The following INPP4B variants were observed in gnomAD, a reference collection of about 807,000 sequenced individuals.
INPP4B encodes inositol polyphosphate 4-phosphatase type II.
A neutral mutation model predicts 122.5 loss-of-function variants in INPP4B; 55 were observed. That is an observed-to-expected ratio of 0.45 (90% CI 0.36 to 0.56). The LOEUF is 0.56. Ranked by LOEUF, INPP4B falls within the 20% of genes least tolerant of loss-of-function variation. INPP4B has a pLI of 0.00. For missense variants in INPP4B, 1,000 were observed against 1,097.7 expected, an observed-to-expected ratio of 0.91 and a Z score of 1.26; for synonymous variants, 403 against 388.7, an observed-to-expected ratio of 1.04 and a Z score of -0.43.
rs139031770 is a variant in INPP4B, at chr4:142,251,860, A to C, written c.688+8632T>G. ...TTGTAAGCTGCTGAAGTTGTGTATT[A>C]TTCATTAACCTGATTATCATGCTAT... On this transcript the variant is annotated intron_variant, in intron 11 of 25. Coordinates refer to ENST00000262992, the MANE Select transcript of INPP4B (RefSeq NM_001101669.3). Among the ~76,000 whole-genome samples, 5 of 152,324 alleles carry C rather than the reference A, an allele frequency of 3.3e-5. No individual in the cohort carries two copies. In the East Asian group the frequency reaches 9.7e-4, roughly 29 times the overall value.
At chr4:142,228,416 A>T (rs1852599025) in intron 12 of INPP4B, among the ~76,000 whole-genome samples, 1 of 152,082 alleles carries the variant, frequency 6.6e-6, no homozygotes, top group South Asian at 2.1e-4. Context: ...ATATACTTAA[A>T]TGTAAAAAAT....
At chr4:142,627,609 G>C (rs910689900) in intron 2 of INPP4B, among the ~76,000 whole-genome samples, 2 of 144,028 alleles carry the variant, frequency 1.4e-5, no homozygotes, top group African/African-American at 2.6e-5. Context: ...AAGCCCACTT[G>C]ATCATGGTGG....
chr4:142,766,497 A>T (rs1262517562), intron 1 of INPP4B, among the ~76,000 whole-genome samples: 2 of 151,804 alleles, frequency 1.3e-5, no homozygotes, highest in Non-Finnish European at 2.9e-5. Flanking sequence ...CAGCCTCCCG[A>T]GTAGCTGGGA....
At chr4:142,822,829 C>T (rs189811441) in intron 1 of INPP4B, among the ~76,000 whole-genome samples, 13 of 152,294 alleles carry the variant, frequency 8.5e-5, no homozygotes, top group Admixed American at 7.9e-4. Context: ...GGAATTCCTT[C>T]TGTTTCAGTC....
Position 142,026,690 on chromosome 4 carries a change from T to G in INPP4B, c.*2092A>C, listed in dbSNP as rs2152246832. The G allele has an allele frequency of 6.6e-6, 1 of 152,284 alleles. No individual in the cohort carries two copies. The highest frequency in any genetic ancestry group is 1.5e-5 in the Non-Finnish European group (1 of 68,026). The allele number at this position is 152,284 out of a possible 1,614,324, so 9.4% of individuals were successfully genotyped here. On this transcript the variant is annotated 3_prime_UTR_variant, in exon 26 of 26. Coordinates refer to ENST00000262992, the MANE Select transcript of INPP4B (RefSeq NM_001101669.3). ...CCATGTTGGCCAGGCTGATCTCCAATTCCTGACCTCAGGTGATCTATCCAC... is the reference window on the plus strand; with the variant it reads ...CCATGTTGGCCAGGCTGATCTCCAAGTCCTGACCTCAGGTGATCTATCCAC...
At chr4:142,395,206 A>G (rs1043065505) in intron 7 of INPP4B, among the ~76,000 whole-genome samples, 7 of 152,250 alleles carry the variant, frequency 4.6e-5, no homozygotes, top group African/African-American at 1.7e-4. Flanking sequence ...GAAGAGCATC[A>G]GCAGAGTGCA....
In INPP4B at chr4:142,738,220, C is replaced by G. The variant is rs144015648; in HGVS notation, c.-253-12319G>C. Among the ~76,000 whole-genome samples the G allele has an allele frequency of 5.7e-3, 873 of 152,264 alleles. 9 individuals are homozygous for G. Among genetic ancestry groups the G allele is most frequent in the African/African-American group, 0.02 (821 of 41,546 alleles). ...ACTTGGAACCAACCCAAATGTCCAA[C>G]AGTGATAGACTGGATTAAGAAAATG... On this transcript the variant is annotated intron_variant, in intron 1 of 25. Transcript: ENST00000262992.
chr4:142,400,740 C>A (rs987711398), intron 7 of INPP4B, among the ~76,000 whole-genome samples: 1 of 152,154 alleles, frequency 6.6e-6, no homozygotes, highest in Non-Finnish European at 1.5e-5. Flanking sequence ...TCATTCCATA[C>A]TTTTACGCCA....
In INPP4B at chr4:142,284,664, G is replaced by C. The variant is rs114274301; in HGVS notation, c.504-13890C>G. Among the ~76,000 whole-genome samples, 844 of 152,120 alleles carry C rather than the reference G, an allele frequency of 5.5e-3. 8 individuals carry two copies. The highest frequency in any genetic ancestry group is 0.02 in the African/African-American group (811 of 41,500). On this transcript the variant is annotated intron_variant, in intron 9 of 25. Transcript: ENST00000262992. ...TTTAGGAATGTGGAGGTGTAAAATAGTGGTCCCAGAAAGTGGGAGAGTGAA... is the reference window on the plus strand; with the variant it reads ...TTTAGGAATGTGGAGGTGTAAAATACTGGTCCCAGAAAGTGGGAGAGTGAA...
chr4:142,794,093 A>G (rs1776908528), intron 1 of INPP4B, among the ~76,000 whole-genome samples: 1 of 151,976 alleles, frequency 6.6e-6, no homozygotes. Flanking sequence ...CTATGGATCT[A>G]CCTATGTATG....
At chr4:142,327,990 G>A (rs775746340) in intron 7 of INPP4B, among the ~76,000 whole-genome samples, 77 of 150,808 alleles carry the variant, frequency 5.1e-4, no homozygotes, top group African/African-American at 1.1e-3. Context: ...CAAAGACTGC[G>A]GAGGGAAGTT....
intron 11 of INPP4B, among the ~76,000 whole-genome samples, chr4:142,242,657 T>A (rs942770855): frequency 6.6e-5 from 10 of 152,288 alleles, no homozygotes; most frequent in African/African-American, 2.4e-4. Context: ...TCCATGCAAA[T>A]CACAGGAACC....
intron 7 of INPP4B, among the ~76,000 whole-genome samples, chr4:142,350,145 C>T (rs1244545580): frequency 2.0e-5 from 3 of 151,930 alleles, no homozygotes; most frequent in African/African-American, 7.2e-5. Flanking sequence ...ATGTTGCTTT[C>T]CACTATTAAG....
At position 142,465,826 on chromosome 4, in the gene INPP4B, AAG is replaced by A. The variant is rs549981675; in HGVS notation, c.-190-3102_-190-3101del. Among the ~76,000 whole-genome samples the A allele has an allele frequency of 1.7e-3, 261 of 152,142 alleles. 1 individual carries two copies. In the Middle Eastern group the frequency reaches 0.044, roughly 26 times the overall value. ...GTTCACATGATATTTGGTTGTTTAA[AAG>A]AGTGTGACAGCTCCTCCCCAGCTTG... On this transcript the variant is annotated intron_variant, in intron 2 of 25. Transcript: ENST00000262992.
At chr4:142,471,823 G>A (rs2149685594) in intron 2 of INPP4B, among the ~76,000 whole-genome samples, 1 of 152,092 alleles carries the variant, frequency 6.6e-6, no homozygotes, top group South Asian at 2.1e-4. Context: ...TAGGATTTTA[G>A]TGGATCCTAG....
At chr4:142,535,251 C>T (rs1217517239) in intron 2 of INPP4B, among the ~76,000 whole-genome samples, 1 of 152,152 alleles carries the variant, frequency 6.6e-6, no homozygotes, top group Non-Finnish European at 1.5e-5. Flanking sequence ...GACAGAAAAG[C>T]TGAGAGTTTA....
intron 7 of INPP4B, among the ~76,000 whole-genome samples, chr4:142,316,219 A>G (rs1178510690): frequency 2.0e-5 from 3 of 152,196 alleles, no homozygotes; most frequent in Non-Finnish European, 4.4e-5. Context: ...GAGTAAACAC[A>G]ATTTGTAGAA....
At chr4:142,626,417 A>T (rs1283451115) in intron 2 of INPP4B, among the ~76,000 whole-genome samples, 1 of 152,024 alleles carries the variant, frequency 6.6e-6, no homozygotes, top group Non-Finnish European at 1.5e-5. Flanking sequence ...AAATGAAAGG[A>T]GTGATGTGGC....
At chr4:142,279,743 T>A (rs1055638321) in intron 9 of INPP4B, among the ~76,000 whole-genome samples, 1 of 151,784 alleles carries the variant, frequency 6.6e-6, no homozygotes, top group Admixed American at 6.6e-5. Flanking sequence ...AAAACCTCAA[T>A]AAAATAAAGC....
Sources: gnomAD v4.1 joint callset for allele counts (sites outside exome capture counted in the v4.1 genomes callset) on GRCh38, gnomAD v4.1.1 for gene constraint, MANE v1.5 for transcripts, NCBI Gene and HGNC (gene_info 2026-07-23, HGNC 2026-07-21) for gene names.